Variants in RGSL1 observed in about 807,000 individuals in gnomAD.
The protein encoded by RGSL1 is regulator of G protein signaling protein-like.
A neutral mutation model predicts 124.7 loss-of-function variants in RGSL1; 97 were observed. That is an observed-to-expected ratio of 0.78 (90% CI 0.66 to 0.92). RGSL1 has a LOEUF of 0.92. Ranked by LOEUF, RGSL1 falls within the 40% of genes least tolerant of loss-of-function variation. The pLI is 0.00. For missense variants in RGSL1, 1,233 were observed against 1,288.4 expected (o/e 0.96, Z 0.66); for synonymous variants, 424 against 438.1 (o/e 0.97, Z 0.40).
chr1:182,508,435 G>A (rs1571602988), intron 9 of RGSL1, among the ~76,000 whole-genome samples: 1 of 151,436 alleles, frequency 6.6e-6, no homozygotes, highest in Non-Finnish European at 1.5e-5. Flanking sequence ...GAATAGCTGG[G>A]ATTATAGGTG....
chr1:182,455,513 C>T (rs542706910), intron 2 of RGSL1, among the ~76,000 whole-genome samples: 7 of 151,468 alleles, frequency 4.6e-5, no homozygotes, highest in African/African-American at 1.2e-4. Context: ...GCCCAGGAGG[C>T]GGAGGTTGCA....
chr1:182,458,115 G>A (rs902124644), intron 2 of RGSL1, among the ~76,000 whole-genome samples: 4 of 152,228 alleles, frequency 2.6e-5, no homozygotes, highest in African/African-American at 7.2e-5. Flanking sequence ...GCCAAAAGAT[G>A]AGTGAATCGT....
At chr1:182,521,381 T>C (rs1310714830) in intron 9 of RGSL1, among the ~76,000 whole-genome samples, 4 of 152,202 alleles carry the variant, frequency 2.6e-5, no homozygotes, top group Non-Finnish European at 4.4e-5. Flanking sequence ...AATAATGATA[T>C]TTTGATATAT....
chr1:182,465,284 A>G (rs1653201138), intron 4 of RGSL1, among the ~76,000 whole-genome samples: 1 of 152,176 alleles, frequency 6.6e-6, no homozygotes, highest in Admixed American at 6.5e-5. Context: ...CTATGCAGCC[A>G]TAAAAAAGGA....
At chr1:182,472,626 A>G in intron 5 of RGSL1, 69 bp downstream of exon 5, 1 of 1,418,890 alleles carries the variant, frequency 7.0e-7, no homozygotes, top group African/African-American at 1.4e-5. Context: ...GATAATCCTC[A>G]GTCTCCTTCT....
At chr1:182,542,422 T>C (rs1156711230) in intron 15 of RGSL1, among the ~76,000 whole-genome samples, 7 of 152,222 alleles carry the variant, frequency 4.6e-5, no homozygotes, top group Non-Finnish European at 1.0e-4. Flanking sequence ...CACAGGTCTA[T>C]GTGTCTGTTT....
chr1:182,512,035 T>A (rs1657500940), intron 9 of RGSL1, among the ~76,000 whole-genome samples: 1 of 152,194 alleles, frequency 6.6e-6, no homozygotes. Flanking sequence ...TCCAGATTGT[T>A]CACTGTTGGT....
chr1:182,532,912 C>A, intron 14 of RGSL1, 121 bp downstream of exon 14: 4 of 1,116,630 alleles, frequency 3.6e-6, no homozygotes, highest in Non-Finnish European at 5.0e-6. Flanking sequence ...AGCAAAAAAA[C>A]CCAGGTCCTG....
chr1:182,480,002 A>G (rs144191923), intron 6 of RGSL1, among the ~76,000 whole-genome samples: 12 of 152,328 alleles, frequency 7.9e-5, no homozygotes, highest in Middle Eastern at 6.8e-3. Flanking sequence ...GACAGATCTG[A>G]AGGAAGAACT....
chr1:182,531,321 A>G (rs1339418781), intron 13 of RGSL1, among the ~76,000 whole-genome samples: 1 of 152,194 alleles, frequency 6.6e-6, no homozygotes, highest in Admixed American at 6.5e-5. Flanking sequence ...CCAGAGAGAG[A>G]ATGCAAAGTG....
intron 19 of RGSL1, 121 bp downstream of exon 19, chr1:182,553,662 A>G: frequency 1.2e-6 from 1 of 802,642 alleles, no homozygotes; most frequent in Non-Finnish European, 2.0e-6. Flanking sequence ...ATGTGAAGTA[A>G]CTTGCTGAAG....
Position 182,473,632 on chromosome 1 carries a change from T to A in RGSL1, c.521T>A (p.Ile174Asn). Residue 174 changes from isoleucine (I) to asparagine (N), a missense_variant, in exon 6 of 22, where the codon ATC becomes AAC. Transcript: ENST00000294854. The stretch of plus-strand genomic sequence containing the variant: ...AACCAATCAACCACTAGGAGGGAGA[T>A]CCTGAGCCACATGCAGAAAGTGGCT... ...HPNQSTTRRE[I>N]LSHMQKVALF... The A allele has an allele frequency of 6.4e-7, 1 of 1,551,512 alleles. No individual in the cohort carries two copies. Among genetic ancestry groups the A allele is most frequent in the African/African-American group, 1.4e-5 (1 of 73,136 alleles).
At chr1:182,514,778 G>A (rs112646310) in intron 9 of RGSL1, among the ~76,000 whole-genome samples, 1 of 152,100 alleles carries the variant, frequency 6.6e-6, no homozygotes. Flanking sequence ...ACTGCCAGAT[G>A]GTATCGAAAT....
chr1:182,474,032 C>T lies in RGSL1; in HGVS notation c.921C>T (p.Ser307=). The change falls in exon 6 of 22, where the codon TCC becomes TCT. Residue 307 remains serine (S), a synonymous_variant. Transcript: ENST00000294854. Reference sequence around the variant, plus strand: ...CTTCAAAGGAAACAAGAATCAGTTCCCTGGAAAAGGATATGCATTATGCAA... The same window carrying T: ...CTTCAAAGGAAACAAGAATCAGTTCTCTGGAAAAGGATATGCATTATGCAA... ...MASSKETRIS[S]LEKDMHYAKI... The T allele has an allele frequency of 1.3e-6, 2 of 1,551,734 alleles. No individual in the cohort carries two copies. Among genetic ancestry groups the T allele is most frequent in the South Asian group, 2.4e-5 (2 of 84,054 alleles).
At chr1:182,488,643 G>GTGA (rs1238090620) in intron 7 of RGSL1, 2 of 349,604 alleles carry the variant, frequency 5.7e-6, no homozygotes, top group Admixed American at 9.0e-5. Flanking sequence ...GGAGAATGGT[G>GTGA]TGAACCCGGG....
At chr1:182,541,683 C>T (rs569648195) in intron 15 of RGSL1, among the ~76,000 whole-genome samples, 8 of 152,282 alleles carry the variant, frequency 5.3e-5, no homozygotes, top group Non-Finnish European at 7.4e-5. Flanking sequence ...TACTAATTTA[C>T]GTTGCCACCA....
intron 9 of RGSL1, among the ~76,000 whole-genome samples, chr1:182,500,571 G>T (rs1656273594): frequency 6.6e-6 from 1 of 151,960 alleles, no homozygotes; most frequent in South Asian, 2.1e-4. Context: ...AATTGAGATT[G>T]TACTGAATCT....
At chr1:182,543,979 T>A (rs960019015) in intron 15 of RGSL1, among the ~76,000 whole-genome samples, 10 of 152,072 alleles carry the variant, frequency 6.6e-5, no homozygotes, top group Non-Finnish European at 1.3e-4. Flanking sequence ...ATCTTCTGTA[T>A]TTTTAGTCTT....
At chr1:182,467,814 A>C (rs1653470872) in intron 4 of RGSL1, among the ~76,000 whole-genome samples, 1 of 152,234 alleles carries the variant, frequency 6.6e-6, no homozygotes, top group Admixed American at 6.5e-5. Flanking sequence ...AGAAACTACC[A>C]TCAGAGTGAA....
Sources: gnomAD v4.1 joint callset for allele counts (sites outside exome capture counted in the v4.1 genomes callset) on GRCh38, gnomAD v4.1.1 for gene constraint, MANE v1.5 for transcripts, NCBI Gene and HGNC (gene_info 2026-07-23, HGNC 2026-07-21) for gene names.